Variants in DLX6 observed in about 807,000 individuals in gnomAD.
The protein encoded by DLX6 is homeobox protein DLX-6.
Under a neutral mutation model 33.5 loss-of-function variants are expected in DLX6, and 4 were observed. The ratio of observed to expected loss-of-function variants is 0.12; its 90% CI spans 0.06 to 0.27. DLX6 has a LOEUF of 0.27. Ranked by LOEUF, DLX6 falls within the 10% of genes least tolerant of loss-of-function variation. DLX6 has a pLI of 1.00. For missense variants in DLX6, 382 were observed against 393.3 expected, an observed-to-expected ratio of 0.97 and a Z score of 0.24; for synonymous variants, 184 against 164.8, an observed-to-expected ratio of 1.12 and a Z score of -0.89.
rs1172389026 is a variant in DLX6, at chr7:97,006,214, G to GGCGGCA, written c.243_248dup (p.Ala82_Ala83dup). 6 of 1,508,560 alleles carry GGCGGCA rather than the reference G, an allele frequency of 4.0e-6. No individual in the cohort carries two copies. Among genetic ancestry groups the GGCGGCA allele is most frequent in the East Asian group, 2.7e-5 (1 of 36,480 alleles). 93.4% of individuals were successfully genotyped at this position (1,508,560 alleles called of 1,614,324 possible). On this transcript the variant is annotated inframe_insertion, in exon 1 of 3. Coordinates refer to ENST00000518156, the MANE Select transcript of DLX6 (RefSeq NM_005222.4). ...TGCACTGCCTGCACTCGGCGGCGGC[G>GGCGGCA]GCGGCAGCGGCCGGCTCGCACCACC...
In DLX6 at chr7:97,010,967, GAATTT is replaced by G. The variant is rs1003823701; in HGVS notation, c.*921_*925del. On this transcript the variant is annotated 3_prime_UTR_variant, in exon 3 of 3. Transcript: ENST00000518156. ...AAGAAACATTTCTGTATATATTGTT[GAATTT>G]TAGTTGTACATATACTTTGTATGTT... is the stretch of plus-strand genomic sequence containing the variant. The G allele has an allele frequency of 3.9e-5, 6 of 152,478 alleles. No homozygotes were observed. The highest frequency in any genetic ancestry group is 2.9e-5 in the Non-Finnish European group (2 of 68,004). The allele number at this position is 152,478 out of a possible 1,614,324, so 9.4% of individuals were successfully genotyped here.
Position 97,006,171 on chromosome 7 carries a change from C to T in DLX6, c.194C>T (p.Ala65Val). ...TCGCAGCAGAGCTCCCCGGCCATGGCAGGCGCGCACTACCCTCTGCACTGC... is the reference window on the plus strand; with the variant it reads ...TCGCAGCAGAGCTCCCCGGCCATGGTAGGCGCGCACTACCCTCTGCACTGC... Reference protein sequence around the residue: ...PHSQQSSPAMAGAHYPLHCLH... With the variant: ...PHSQQSSPAMVGAHYPLHCLH... Residue 65 changes from alanine (A) to valine (V), a missense_variant, in exon 1 of 3, where the codon GCA (alanine) becomes GTA (valine). This residue lies in a region of DLX6 where 257 missense variants were observed against 206.9 expected (regional missense o/e 1.24). Coordinates refer to ENST00000518156, the MANE Select transcript of DLX6 (RefSeq NM_005222.4). 6.5e-7 allele frequency: 1 copy of T among 1,543,298 alleles called. No individual in the cohort carries two copies. Among genetic ancestry groups the T allele is most frequent in the African/African-American group, 1.4e-5 (1 of 72,864 alleles).
chr7:97,008,057 G>T (rs184012608), intron 2 of DLX6, among the ~76,000 whole-genome samples: 2 of 152,236 alleles, frequency 1.3e-5, no homozygotes, highest in Admixed American at 6.5e-5. Context: ...AACCCTCGGC[G>T]ACCCCACCCC....
Position 97,006,090 on chromosome 7 carries a change from A to C in DLX6, c.113A>C (p.Gln38Pro). The C allele has an allele frequency of 6.4e-7, 1 of 1,559,756 alleles. No homozygotes were observed. The change falls in exon 1 of 3, where the codon CAG becomes CCG. Residue 38 changes from glutamine (Q) to proline (P), a missense_variant. Physicochemically the swap from Gln to Pro is moderately conservative, Grantham distance 76 (BLOSUM62 -1). Transcript: ENST00000518156. The part of the protein sequence containing the change: ...QQQQQQQQQQ[Q>P]QQQQQQPPPP... Reference sequence around the variant, plus strand: ...CAGCAGCAGCAACAGCAGCAGCAGCAGCAGCAGCAACAGCAACAGCCGCCG... The same window carrying C: ...CAGCAGCAGCAACAGCAGCAGCAGCCGCAGCAGCAACAGCAACAGCCGCCG...
Position 97,006,105 on chromosome 7 carries a change from A to AACAGCC in DLX6, c.129_134dup (p.Gln44_Pro45dup), listed in dbSNP as rs774290003. 50 of 1,543,802 alleles carry AACAGCC rather than the reference A, an allele frequency of 3.2e-5. No individual in the cohort carries two copies. In the South Asian group the frequency reaches 4.8e-4, roughly 15 times the overall value. ...CAGCAGCAGCAGCAGCAGCAACAGC[A>AACAGCC]ACAGCCGCCGCCGCCGCCGCCGCCG... On this transcript the variant is annotated inframe_insertion, in exon 1 of 3. Transcript: ENST00000518156.
intron 1 of DLX6, 193 bp downstream of exon 1, chr7:97,006,606 C>A (rs1789739704): frequency 3.3e-6 from 1 of 307,272 alleles, no homozygotes; most frequent in Non-Finnish European, 5.0e-6. Context: ...CGGGCCCCTT[C>A]CCGCCGCCGC....
At chr7:97,009,082 T>C (rs1383986635) in intron 2 of DLX6, among the ~76,000 whole-genome samples, 1 of 152,254 alleles carries the variant, frequency 6.6e-6, no homozygotes, top group East Asian at 1.9e-4. Flanking sequence ...AATCATGTGA[T>C]GATCCTTGAC....
In DLX6 at chr7:97,009,867, G is replaced by T; in HGVS notation, c.702G>T (p.Glu234Asp). Residue 234 changes from glutamate to aspartate, a missense_variant, in exon 3 of 3, where the codon GAG becomes GAT. Glu to Asp is a conservative substitution (Grantham distance 45). Transcript: ENST00000518156. ...KLLKQGSNPH[E>D]SDPLQGSAAL... is the part of the protein sequence containing the mutation. Reference sequence around the variant, plus strand: ...TGAAGCAGGGCAGTAATCCTCATGAGAGCGACCCCCTCCAGGGCTCGGCGG... The same window carrying T: ...TGAAGCAGGGCAGTAATCCTCATGATAGCGACCCCCTCCAGGGCTCGGCGG... 1 of 1,613,970 alleles carries T rather than the reference G, an allele frequency of 6.2e-7. No individual in the cohort carries two copies. Among genetic ancestry groups the T allele is most frequent in the Non-Finnish European group, 8.5e-7 (1 of 1,179,892 alleles).
chr7:97,010,567 T>C lies in DLX6; in HGVS notation c.*520T>C, dbSNP rs967739257. 6.5e-6 allele frequency: 1 copy of C among 153,790 alleles called. No individual in the cohort carries two copies. The highest frequency in any genetic ancestry group is 1.4e-5 in the Non-Finnish European group (1 of 69,036). The allele number at this position is 153,790 out of a possible 1,614,324, so 9.5% of individuals were successfully genotyped here. ...CTTGGCAGCGTTTTTACTTGTTTAA[T>C]GAGTTTAAGACATTACATGGTGAAA... On this transcript the variant is annotated 3_prime_UTR_variant, in exon 3 of 3. Transcript: ENST00000518156.
At chr7:97,006,556 C>A in intron 1 of DLX6, 143 bp downstream of exon 1, 1 of 818,702 alleles carries the variant, frequency 1.2e-6, no homozygotes, top group Non-Finnish European at 1.6e-6. Context: ...GCCCCGTGCG[C>A]GCCCGCTCGC....
At chr7:97,009,761 G>A (rs1475332991) in intron 2 of DLX6, 35 bp from the exon 3 acceptor site, 3 of 1,603,602 alleles carry the variant, frequency 1.9e-6, no homozygotes, top group African/African-American at 1.3e-5. Flanking sequence ...CTGGTTTGAT[G>A]TTTATGGGCC....
rs1329474521 is a variant in DLX6, at chr7:97,010,667, C to T, written c.*620C>T. On this transcript the variant is annotated 3_prime_UTR_variant, in exon 3 of 3. Transcript: ENST00000518156. ...GAGAAAAAGAAAATTCCTCACATAA[C>T]AGCCCTTCTCTAAAGAAAAAGGAAA... 6.6e-6 allele frequency: 1 copy of T among 152,582 alleles called. No individual in the cohort carries two copies. The highest frequency in any genetic ancestry group is 2.4e-5 in the African/African-American group (1 of 41,402). The allele number at this position is 152,582 out of a possible 1,614,324, so 9.5% of individuals were successfully genotyped here.
chr7:97,006,319 C>T lies in DLX6; in HGVS notation c.342C>T (p.Ala114=). 1 of 1,524,844 alleles carries T rather than the reference C, an allele frequency of 6.6e-7. No individual in the cohort carries two copies. Among genetic ancestry groups the T allele is most frequent in the Non-Finnish European group, 8.8e-7 (1 of 1,133,574 alleles). The allele number at this position is 1,524,844 out of a possible 1,614,324, so 94.5% of individuals were successfully genotyped here. The change falls in exon 1 of 3, where the codon GCC becomes GCT. Residue 114 remains alanine, a synonymous_variant. Coordinates refer to ENST00000518156, the MANE Select transcript of DLX6 (RefSeq NM_005222.4). The part of the protein sequence containing the change: ...GGNSYNHRSL[A]AYPYMSHSQH... ...ACTCCTACAACCACCGCTCGCTCGCCGCCTACCCCTACATGAGCCACTCGC... is the reference window on the plus strand; with the variant it reads ...ACTCCTACAACCACCGCTCGCTCGCTGCCTACCCCTACATGAGCCACTCGC...
At chr7:97,009,691 G>T (rs201287967) in intron 2 of DLX6, 105 bp from the exon 3 acceptor site, 1 of 1,514,062 alleles carries the variant, frequency 6.6e-7, no homozygotes, top group Admixed American at 2.2e-5. Context: ...GTTGTTTTTT[G>T]TTTTTTGTTT....
chr7:97,007,293 G>C (rs1467288165), intron 1 of DLX6: 1 of 577,396 alleles, frequency 1.7e-6, no homozygotes, highest in Admixed American at 3.1e-5. Context: ...CCGGGCACAG[G>C]GGCCCCGCTC....
chr7:97,009,668 G>C, intron 2 of DLX6, 128 bp from the exon 3 acceptor site: 2 of 1,372,812 alleles, frequency 1.5e-6, no homozygotes, highest in Non-Finnish European at 2.0e-6. Flanking sequence ...TTGGCTTGTA[G>C]GCGTTGGCGG....
chr7:97,009,553 G>A (rs536537315), intron 2 of DLX6, among the ~76,000 whole-genome samples: 37 of 152,228 alleles, frequency 2.4e-4, no homozygotes, highest in African/African-American at 7.5e-4. Flanking sequence ...ACGCTAGCAC[G>A]CAATTCTAGA....
intron 1 of DLX6, 102 bp from the exon 2 acceptor site, chr7:97,007,536 C>T (rs1247386012): frequency 9.0e-7 from 1 of 1,115,004 alleles, no homozygotes; most frequent in Non-Finnish European, 1.3e-6. Context: ...CGAGGTAACC[C>T]TTATTGGGCT....
In DLX6 at chr7:97,010,104, C is replaced by T; in HGVS notation, c.*57C>T. 1 of 1,541,142 alleles carries T rather than the reference C, an allele frequency of 6.5e-7. No individual in the cohort carries two copies. The highest frequency in any genetic ancestry group is 8.8e-7 in the Non-Finnish European group (1 of 1,140,134). On this transcript the variant is annotated 3_prime_UTR_variant, in exon 3 of 3. Coordinates refer to ENST00000518156, the MANE Select transcript of DLX6 (RefSeq NM_005222.4). ...TGAACAAGGAAAAGAGGATCCGGGA[C>T]CTGCTTGTATCTGCGAAAAGGAGCC...
Sources: allele counts gnomAD v4.1 joint callset (sites outside exome capture counted in the v4.1 genomes callset), GRCh38; gene constraint gnomAD v4.1.1; regional missense constraint gnomAD v4.1.1; transcripts MANE v1.5; gene names NCBI Gene and HGNC (gene_info 2026-07-23, HGNC 2026-07-21).